Variants in MACROD2 observed in about 807,000 individuals in gnomAD.
MACROD2 encodes the protein ADP-ribose glycohydrolase MACROD2.
In MACROD2, 36 loss-of-function variants were observed where a neutral mutation model predicts 70.4. The ratio of observed to expected loss-of-function variants is 0.51; its 90% CI spans 0.39 to 0.68. The LOEUF (loss-of-function observed/expected upper bound fraction) is 0.68, where lower values mean the gene tolerates loss of function less well. Ranked by LOEUF, MACROD2 falls within the 30% of genes least tolerant of loss-of-function variation. The probability of loss-of-function intolerance (pLI) is 0.00; values close to 1 mark genes in which losing one functional copy is unlikely to be tolerated. For missense variants in MACROD2, 496 were observed against 538.4 expected, an observed-to-expected ratio of 0.92 and a Z score of 0.78; for synonymous variants, 172 against 178.8, an observed-to-expected ratio of 0.96 and a Z score of 0.30.
At chr20:15,127,070 T>A (rs1357870160) in intron 5 of MACROD2, among the ~76,000 whole-genome samples, 1 of 152,136 alleles carries the variant, frequency 6.6e-6, no homozygotes, top group Non-Finnish European at 1.5e-5. Flanking sequence ...ACTGCCACAC[T>A]CTTGGTTTTA....
intron 3 of MACROD2, among the ~76,000 whole-genome samples, chr20:14,472,349 T>C (rs113155530): frequency 6.6e-6 from 1 of 152,138 alleles, no homozygotes; most frequent in African/African-American, 2.4e-5. Flanking sequence ...TTACTAAGCA[T>C]TTACAGAATG....
At chr20:14,757,720 C>T (rs2071959514) in intron 5 of MACROD2, 2 of 1,517,390 alleles carry the variant, frequency 1.3e-6, no homozygotes, top group South Asian at 2.3e-5. Context: ...CTCTCAAGTC[C>T]CGAGGCTACG....
chr20:14,047,074 TACTC>T lies in MACROD2; in HGVS notation c.164-38544_164-38541del, dbSNP rs540853051. Reference sequence around the variant, plus strand: ...AATTACAGATGAGTATATAATGTGATACTCACATGAAGCTTAAAAAATGCAAAGC... The same window carrying T: ...AATTACAGATGAGTATATAATGTGATACATGAAGCTTAAAAAATGCAAAGC... On this transcript the variant is annotated intron_variant, in intron 2 of 17. Coordinates refer to ENST00000684519, the MANE Select transcript of MACROD2 (RefSeq NM_001351661.2). Among the ~76,000 whole-genome samples the T allele has an allele frequency of 3.9e-3, 596 of 152,298 alleles. 2 individuals carry two copies. The highest frequency in any genetic ancestry group is 0.014 in the Middle Eastern group (4 of 294).
At chr20:14,999,816 A>C (rs924023882) in intron 5 of MACROD2, among the ~76,000 whole-genome samples, 3 of 152,242 alleles carry the variant, frequency 2.0e-5, no homozygotes, top group Non-Finnish European at 4.4e-5. Flanking sequence ...ACCTCAGATT[A>C]AATGTTAAAA....
chr20:14,363,816 C>CAAAAAAAAAAAAAAAA (rs569929488), intron 3 of MACROD2, among the ~76,000 whole-genome samples: 2 of 71,560 alleles, frequency 2.8e-5, no homozygotes, highest in Non-Finnish European at 4.8e-5. Flanking sequence ...GACTCTGTCT[C>CAAAAAAAAAAAAAAAA]AAAAAAAAAA....
At chr20:15,232,322 A>G (rs1395779378) in intron 6 of MACROD2, among the ~76,000 whole-genome samples, 1 of 152,094 alleles carries the variant, frequency 6.6e-6, no homozygotes, top group East Asian at 1.9e-4. Flanking sequence ...AAGCCTGGTT[A>G]TTAGGATGAA....
intron 3 of MACROD2, among the ~76,000 whole-genome samples, chr20:14,131,783 C>A (rs570016437): frequency 1.3e-5 from 2 of 152,026 alleles, no homozygotes; most frequent in Non-Finnish European, 2.9e-5. Context: ...GGTTGGAATA[C>A]AATGGCACCA....
intron 3 of MACROD2, chr20:14,086,163 TCA>T (rs1228775325): frequency 5.5e-6 from 2 of 361,946 alleles, no homozygotes; most frequent in Admixed American, 6.5e-5. Flanking sequence ...AGAAATTATT[TCA>T]GTTATTTCAA....
chr20:14,447,946 C>G (rs1271560762), intron 3 of MACROD2, among the ~76,000 whole-genome samples: 1 of 148,198 alleles, frequency 6.7e-6, no homozygotes, highest in Non-Finnish European at 1.5e-5. Flanking sequence ...CAAAAGAGGA[C>G]AGTAGAAGAG....
chr20:14,550,114 G>T (rs2123258230), intron 4 of MACROD2, among the ~76,000 whole-genome samples: 1 of 151,872 alleles, frequency 6.6e-6, no homozygotes, highest in South Asian at 2.1e-4. Context: ...GTATAGACGG[G>T]GTTTCACCAT....
intron 3 of MACROD2, among the ~76,000 whole-genome samples, chr20:14,474,210 G>C (rs1212211682): frequency 6.6e-6 from 1 of 151,598 alleles, no homozygotes; most frequent in Non-Finnish European, 1.5e-5. Flanking sequence ...TATTTTCGTT[G>C]CCTGTGATTT....
intron 4 of MACROD2, among the ~76,000 whole-genome samples, chr20:14,543,645 T>G (rs1213932524): frequency 1.3e-5 from 2 of 152,334 alleles, no homozygotes; most frequent in Non-Finnish European, 2.9e-5. Context: ...GTAACTTAAT[T>G]GTAAATGCAG....
intron 13 of MACROD2, among the ~76,000 whole-genome samples, chr20:15,982,945 A>G (rs1438087202): frequency 6.6e-6 from 1 of 152,240 alleles, no homozygotes; most frequent in African/African-American, 2.4e-5. Context: ...GAGATAGGCC[A>G]CTGGCCTTGG....
chr20:15,050,533 C>CTTTTTTTTTTTTTTTTTTTTTTT (rs386393390), intron 5 of MACROD2, among the ~76,000 whole-genome samples: 4 of 77,876 alleles, frequency 5.1e-5, no homozygotes, highest in African/African-American at 1.9e-4. Flanking sequence ...CTATTTAGGT[C>CTTTTTTTTTTTTTTTTTTTTTTT]TTTTTTTTTT....
At chr20:14,807,292 A>C (rs183900887) in intron 5 of MACROD2, among the ~76,000 whole-genome samples, 1 of 152,092 alleles carries the variant, frequency 6.6e-6, no homozygotes. Flanking sequence ...GGTAATATCC[A>C]GGCAAAGAAG....
intron 4 of MACROD2, among the ~76,000 whole-genome samples, chr20:14,575,635 T>C (rs1271210163): frequency 2.0e-5 from 3 of 152,196 alleles, no homozygotes; most frequent in Non-Finnish European, 4.4e-5. Flanking sequence ...CAAAGAATCT[T>C]AGTAGTCCTC....
chr20:16,046,083 A>G (rs968489373), intron 17 of MACROD2, among the ~76,000 whole-genome samples: 2 of 152,064 alleles, frequency 1.3e-5, no homozygotes, highest in Admixed American at 6.6e-5. Flanking sequence ...TGCCCCCTGT[A>G]CCTCCTTGCA....
chr20:15,082,721 T>C (rs2123138874), intron 5 of MACROD2, among the ~76,000 whole-genome samples: 1 of 152,230 alleles, frequency 6.6e-6, no homozygotes, highest in East Asian at 1.9e-4. Context: ...GAGTTCCTCT[T>C]TGCTAGCATT....
intron 4 of MACROD2, among the ~76,000 whole-genome samples, chr20:14,550,032 A>G (rs1298705433): frequency 1.3e-5 from 2 of 151,648 alleles, no homozygotes; most frequent in African/African-American, 4.8e-5. Flanking sequence ...AGGTTCAAGC[A>G]ATTCTTCTGC....
Sources: allele counts gnomAD v4.1 joint callset (sites outside exome capture counted in the v4.1 genomes callset), GRCh38; gene constraint gnomAD v4.1.1; transcripts MANE v1.5; gene names NCBI Gene and HGNC (gene_info 2026-07-23, HGNC 2026-07-21).